ADAM22: variants seen among roughly 807,000 people sequenced by gnomAD.
ADAM22 encodes disintegrin and metalloproteinase domain-containing protein 22.
In ADAM22, 65 loss-of-function variants were observed where a neutral mutation model predicts 144.6. The ratio of observed to expected loss-of-function variants is 0.45; its 90% CI spans 0.37 to 0.55. The LOEUF (loss-of-function observed/expected upper bound fraction) is 0.55, where lower values mean the gene tolerates loss of function less well. Among genes scored for constraint, ADAM22 ranks in the 20% least tolerant of loss-of-function variants. The pLI is 0.00. For synonymous variants in ADAM22, 391 were observed against 412.6 expected (o/e 0.95, Z 0.63); for missense variants, 974 against 1,184.9 (o/e 0.82, Z 2.61).
chr7:88,178,701 A>G (rs1846279115), intron 26 of ADAM22, among the ~76,000 whole-genome samples: 1 of 152,112 alleles, frequency 6.6e-6, no homozygotes, highest in Non-Finnish European at 1.5e-5. Flanking sequence ...TTTTTCCCCA[A>G]AGCAAGGCTT....
At chr7:88,156,689 C>G (rs1030033128) in intron 22 of ADAM22, among the ~76,000 whole-genome samples, 1 of 152,068 alleles carries the variant, frequency 6.6e-6, no homozygotes. Context: ...ACTTCCCCAA[C>G]TCAGCTAAAC....
chr7:87,950,186 G>C (rs1844692565), intron 2 of ADAM22, among the ~76,000 whole-genome samples: 1 of 151,834 alleles, frequency 6.6e-6, no homozygotes, highest in Admixed American at 6.6e-5. Context: ...TGTGCACAAT[G>C]TGCAGGTTAG....
intron 3 of ADAM22, among the ~76,000 whole-genome samples, chr7:87,998,285 G>A (rs1476450427): frequency 6.6e-6 from 1 of 152,130 alleles, no homozygotes; most frequent in African/African-American, 2.4e-5. Flanking sequence ...GACACACCCA[G>A]GAACAACACT....
intron 2 of ADAM22, among the ~76,000 whole-genome samples, chr7:87,960,873 C>T (rs1847857784): frequency 6.6e-6 from 1 of 152,186 alleles, no homozygotes; most frequent in Admixed American, 6.5e-5. Flanking sequence ...TTTTAACTCA[C>T]TCCAAAAACA....
intron 16 of ADAM22, 95 bp from the exon 17 acceptor site, chr7:88,145,320 A>G: frequency 6.7e-7 from 1 of 1,488,042 alleles, no homozygotes; most frequent in Non-Finnish European, 9.3e-7. Context: ...AAGAAAAATT[A>G]TTGTGAGTTT....
At chr7:88,032,686 T>A (rs1333402810) in intron 3 of ADAM22, among the ~76,000 whole-genome samples, 1 of 152,164 alleles carries the variant, frequency 6.6e-6, no homozygotes, top group Non-Finnish European at 1.5e-5. Context: ...CTCTGTATTT[T>A]CACCCAAATC....
At chr7:87,990,083 C>T (rs1425606719) in intron 3 of ADAM22, among the ~76,000 whole-genome samples, 1 of 151,948 alleles carries the variant, frequency 6.6e-6, no homozygotes, top group Non-Finnish European at 1.5e-5. Flanking sequence ...TCTATCCATC[C>T]ATCAAGTGTA....
intron 3 of ADAM22, among the ~76,000 whole-genome samples, chr7:88,032,701 G>A (rs1277851139): frequency 4.6e-5 from 7 of 152,136 alleles, no homozygotes; most frequent in African/African-American, 1.7e-4. Flanking sequence ...CAAATCTTAT[G>A]TTGAATTATA....
At chr7:88,119,701 C>G (rs916063863) in intron 7 of ADAM22, among the ~76,000 whole-genome samples, 11 of 152,178 alleles carry the variant, frequency 7.2e-5, no homozygotes, top group African/African-American at 2.7e-4. Flanking sequence ...GTTGGTCAGG[C>G]TGGTCTCAAA....
intron 4 of ADAM22, among the ~76,000 whole-genome samples, chr7:88,083,927 C>G (rs1214101942): frequency 2.0e-5 from 3 of 152,076 alleles, no homozygotes; most frequent in African/African-American, 4.8e-5. Flanking sequence ...AAAAAATTAC[C>G]TAGGGCTAGA....
At chr7:88,172,584 C>CT (rs1225093189) in intron 26 of ADAM22, among the ~76,000 whole-genome samples, 1 of 151,706 alleles carries the variant, frequency 6.6e-6, no homozygotes, top group Non-Finnish European at 1.5e-5. Flanking sequence ...AAACTTTACT[C>CT]TTTTTTAAAT....
At chr7:88,085,652 G>A (rs1818248886) in intron 4 of ADAM22, among the ~76,000 whole-genome samples, 1 of 152,146 alleles carries the variant, frequency 6.6e-6, no homozygotes, top group South Asian at 2.1e-4. Flanking sequence ...CATAAAACAT[G>A]TATGGGTTGA....
rs1840659538 is a variant in ADAM22 at position 87,934,402 on chromosome 7, C to T, written c.-64C>T. The T allele has an allele frequency of 1.3e-6, 2 of 1,496,642 alleles. No homozygotes were observed. Among genetic ancestry groups the T allele is most frequent in the South Asian group, 1.2e-5 (1 of 83,054 alleles). The allele number at this position is 1,496,642 out of a possible 1,614,324, so 92.7% of individuals were successfully genotyped here. ...CCCCGGGGGCGCGGAGCGAGGGAAA[C>T]GGACTCGGCGGCGCCGGCATGAGGA... is the stretch of plus-strand genomic sequence containing the variant. On this transcript the variant is annotated 5_prime_UTR_variant, in exon 1 of 32. The change creates a new upstream start codon in the 5' untranslated region. Coordinates refer to ENST00000413139, the MANE Select transcript of ADAM22 (RefSeq NM_001324418.2).
intron 4 of ADAM22, among the ~76,000 whole-genome samples, chr7:88,079,177 G>T (rs1815675535): frequency 1.3e-5 from 2 of 152,222 alleles, no homozygotes; most frequent in Non-Finnish European, 2.9e-5. Context: ...CCAGAAGAGA[G>T]TGGGGGCCAA....
At position 88,128,581 on chromosome 7, in the gene ADAM22, GTTTCC is replaced by G. The variant is rs576937341; in HGVS notation, c.679-14_679-10del. On this transcript the variant is annotated splice_polypyrimidine_tract_variant and intron_variant, in intron 8 of 31. Transcript: ENST00000413139. The stretch of plus-strand genomic sequence containing the variant: ...AGTTTAGAGGGCTGAATTAGGTGCT[GTTTCC>G]TTTCCTGTGTTACAGCTTCGTCGAT... 4.3e-4 allele frequency: 681 copies of G among 1,601,768 alleles called. 1 individual carries two copies. The highest frequency in any genetic ancestry group is 4.4e-4 in the Non-Finnish European group (516 of 1,169,282).
At chr7:88,012,198 T>G (rs1247101592) in intron 3 of ADAM22, among the ~76,000 whole-genome samples, 2 of 152,208 alleles carry the variant, frequency 1.3e-5, no homozygotes, top group Non-Finnish European at 2.9e-5. Flanking sequence ...CTTTTCCTTT[T>G]GATTCTTTCT....
At chr7:87,940,778 A>C (rs771171879) in intron 2 of ADAM22, among the ~76,000 whole-genome samples, 1 of 152,226 alleles carries the variant, frequency 6.6e-6, no homozygotes, top group Non-Finnish European at 1.5e-5. Flanking sequence ...GGCCTAGAAT[A>C]TTCAAAATAT....
At chr7:88,017,840 T>C (rs1398944385) in intron 3 of ADAM22, among the ~76,000 whole-genome samples, 1 of 152,094 alleles carries the variant, frequency 6.6e-6, no homozygotes, top group Non-Finnish European at 1.5e-5. Context: ...TACATACATA[T>C]ATATACATAT....
intron 3 of ADAM22, among the ~76,000 whole-genome samples, chr7:88,027,971 G>A (rs1190849617): frequency 1.3e-5 from 2 of 152,032 alleles, no homozygotes. Flanking sequence ...TGTATTTTTA[G>A]TAGAAGCAGG....
Sources: gnomAD v4.1 joint callset for allele counts (sites outside exome capture counted in the v4.1 genomes callset) on GRCh38, gnomAD v4.1.1 for gene constraint, MANE v1.5 for transcripts, NCBI Gene and HGNC (gene_info 2026-07-23, HGNC 2026-07-21) for gene names.